The following UGT2A1 variants were observed in gnomAD, a reference collection of about 807,000 sequenced individuals.
UGT2A1 encodes UDP-glucuronosyltransferase 2A1.
A neutral mutation model predicts 45.4 loss-of-function variants in UGT2A1; 61 were observed. The ratio of observed to expected loss-of-function variants is 1.34; its 90% CI spans 1.09 to 1.66. The LOEUF (loss-of-function observed/expected upper bound fraction) is 1.66. Ranked by LOEUF, UGT2A1 falls within the 40% of genes most tolerant of loss-of-function variation. The probability of loss-of-function intolerance (pLI) is 0.00; values close to 1 mark genes in which losing one functional copy is unlikely to be tolerated. For missense variants in UGT2A1, 649 were observed against 574.3 expected, an observed-to-expected ratio of 1.13 and a Z score of -1.33; for synonymous variants, 229 against 196.2, an observed-to-expected ratio of 1.17 and a Z score of -1.40.
chr4:69,626,616 A>G (rs1393526311), intron 3 of UGT2A1, among the ~76,000 whole-genome samples: 2 of 151,738 alleles, frequency 1.3e-5, no homozygotes, highest in East Asian at 3.9e-4. Flanking sequence ...TTGCACATAT[A>G]CCCTTGGAAA....
intron 2 of UGT2A1, among the ~76,000 whole-genome samples, chr4:69,643,895 ATTTATCATTCTCC>A (rs1484113451): frequency 6.6e-6 from 1 of 151,634 alleles, no homozygotes; most frequent in African/African-American, 2.4e-5. Context: ...AGTCAGTTCC[ATTTATCATTCTCC>A]TTTATCATTC....
At chr4:69,638,809 A>G in intron 2 of UGT2A1, 2 of 1,414,134 alleles carry the variant, frequency 1.4e-6, no homozygotes, top group Non-Finnish European at 1.9e-6. Flanking sequence ...TCAGCTCAGC[A>G]TATGCAGTGG....
rs528473050 is a variant in UGT2A1 at position 69,602,128 on chromosome 4, A to C, written c.848-2734T>G. Among the ~76,000 whole-genome samples, 19 of 136,788 alleles carry C rather than the reference A, an allele frequency of 1.4e-4. 3 individuals carry two copies. The highest frequency in any genetic ancestry group is 2.3e-4 in the Non-Finnish European group (15 of 64,202). 89.7% of individuals were successfully genotyped at this position (136,788 alleles called of 152,430 possible). A position where few individuals can be genotyped will look rare whatever the true frequency, so the allele number is the denominator to read the frequency against. On this transcript the variant is annotated intron_variant, in intron 3 of 6. Coordinates refer to ENST00000286604, the MANE Select transcript of UGT2A1 (RefSeq NM_001252275.3). ...ATGAAAAAGTTGGACTCATTATAGT[A>C]ATGAAATGATAGCTTAAAACTGAAA...
chr4:69,652,089 C>T (rs750497677), intron 1 of UGT2A1, among the ~76,000 whole-genome samples: 4 of 152,048 alleles, frequency 2.6e-5, no homozygotes, highest in Admixed American at 6.6e-5. Context: ...CTGCCTGATG[C>T]CCCCCAGTCA....
At position 69,653,239 on chromosome 4, in the gene UGT2A1, G is replaced by A. The variant is rs1010905174; in HGVS notation, c.-106C>T. ...AGCACTCATTTGACATTAGGAAGAA[G>A]CCGAATGTAAATAAATCCTAGGTGG... On this transcript the variant is annotated 5_prime_UTR_variant, in exon 1 of 7. Coordinates refer to ENST00000286604, the MANE Select transcript of UGT2A1 (RefSeq NM_001252275.3). 6.6e-5 allele frequency: 10 copies of A among 152,296 alleles called. No individual in the cohort carries two copies. Among genetic ancestry groups the A allele is most frequent in the African/African-American group, 2.4e-4 (10 of 41,568 alleles). The allele number at this position is 152,296 out of a possible 1,614,324, so 9.4% of individuals were successfully genotyped here.
At chr4:69,618,630 A>G (rs1322267480) in intron 3 of UGT2A1, among the ~76,000 whole-genome samples, 4 of 151,956 alleles carry the variant, frequency 2.6e-5, no homozygotes, top group Admixed American at 1.3e-4. Context: ...AATTCCTGAA[A>G]CCCTCGATAC....
At chr4:69,592,975 G>A (rs1252313249) in intron 6 of UGT2A1, among the ~76,000 whole-genome samples, 1 of 151,982 alleles carries the variant, frequency 6.6e-6, no homozygotes, top group Admixed American at 6.6e-5. Context: ...TTTCCAAGTT[G>A]AAAAGAAAGC....
chr4:69,647,842 G>GTCTTA (rs2109981090), intron 1 of UGT2A1, 144 bp from the exon 2 acceptor site: 1 of 409,394 alleles, frequency 2.4e-6, no homozygotes, highest in African/African-American at 2.1e-5. Flanking sequence ...TGGGTAATGT[G>GTCTTA]TCTTACTTCT....
chr4:69,610,352 G>A, intron 3 of UGT2A1, among the ~76,000 whole-genome samples: 1 of 151,948 alleles, frequency 6.6e-6, no homozygotes, highest in East Asian at 1.9e-4. Context: ...CTGGGGCAGG[G>A]TACAAATCAT....
At chr4:69,613,871 T>C (rs1296058348) in intron 3 of UGT2A1, among the ~76,000 whole-genome samples, 4 of 152,124 alleles carry the variant, frequency 2.6e-5, no homozygotes, top group South Asian at 2.1e-4. Flanking sequence ...GGTAGCATCA[T>C]ATTGAATGAG....
intron 3 of UGT2A1, among the ~76,000 whole-genome samples, chr4:69,623,337 G>T (rs1253166907): frequency 2.5e-4 from 38 of 151,722 alleles, no homozygotes; most frequent in Non-Finnish European, 4.4e-5. Context: ...CCAAGAAACA[G>T]ACGCTGAGAA....
intron 3 of UGT2A1, among the ~76,000 whole-genome samples, chr4:69,617,483 G>A (rs1023342208): frequency 3.3e-5 from 5 of 151,754 alleles, no homozygotes; most frequent in African/African-American, 9.7e-5. Flanking sequence ...ATACGTAGAC[G>A]TACAAAACCA....
chr4:69,645,792 C>T (rs190618580), intron 2 of UGT2A1, among the ~76,000 whole-genome samples: 3 of 151,794 alleles, frequency 2.0e-5, no homozygotes, highest in Non-Finnish European at 2.9e-5. Flanking sequence ...CTCATTCTTG[C>T]GGTTCCGACG....
intron 6 of UGT2A1, among the ~76,000 whole-genome samples, chr4:69,591,985 G>T (rs948423199): frequency 6.6e-6 from 1 of 152,098 alleles, no homozygotes; most frequent in Non-Finnish European, 1.5e-5. Flanking sequence ...ATTAATAAAA[G>T]TCAATTAATT....
intron 3 of UGT2A1, among the ~76,000 whole-genome samples, chr4:69,604,080 C>A (rs1021158808): frequency 2.2e-5 from 3 of 135,862 alleles, no homozygotes; most frequent in Non-Finnish European, 4.7e-5. Flanking sequence ...CACAAAGATA[C>A]TCCTCGAGAA....
At chr4:69,608,926 T>C (rs1719851926) in intron 3 of UGT2A1, among the ~76,000 whole-genome samples, 1 of 152,108 alleles carries the variant, frequency 6.6e-6, no homozygotes, top group African/African-American at 2.4e-5. Context: ...AAACCATAGC[T>C]TCTATTAAGA....
chr4:69,595,786 G>A (rs1229665028), intron 4 of UGT2A1, among the ~76,000 whole-genome samples: 2 of 152,130 alleles, frequency 1.3e-5, no homozygotes, highest in African/African-American at 4.8e-5. Flanking sequence ...TAAGTGAATT[G>A]AGGCTTCTAC....
chr4:69,619,061 T>G (rs1247916612), intron 3 of UGT2A1, among the ~76,000 whole-genome samples: 1 of 151,834 alleles, frequency 6.6e-6, no homozygotes, highest in Non-Finnish European at 1.5e-5. Flanking sequence ...ATGTAGGAAT[T>G]TATTTATATC....
rs532343123 is a variant in UGT2A1, at chr4:69,588,745, G to A, written c.*627C>T. ...ATATAAGAATATATGTTGAAGAAAG[G>A]CAGGCAAGTTATGCCGTGATTTTCT... On this transcript the variant is annotated 3_prime_UTR_variant, in exon 7 of 7. Coordinates refer to ENST00000286604, the MANE Select transcript of UGT2A1 (RefSeq NM_001252275.3). 3 of 152,076 alleles carry A rather than the reference G, an allele frequency of 2.0e-5. No homozygotes were observed. In the East Asian group the frequency reaches 5.8e-4, roughly 29 times the overall value. 9.4% of individuals were successfully genotyped at this position (152,076 alleles called of 1,614,324 possible).
Sources: allele counts gnomAD v4.1 joint callset (sites outside exome capture counted in the v4.1 genomes callset), GRCh38; gene constraint gnomAD v4.1.1; transcripts MANE v1.5; gene names NCBI Gene and HGNC (gene_info 2026-07-23, HGNC 2026-07-21).